SHC4: variants seen among roughly 807,000 people sequenced by gnomAD.
SHC4 encodes the protein SHC adaptor protein 4.
Under a neutral mutation model 69.4 loss-of-function variants are expected in SHC4, and 41 were observed. The ratio of observed to expected loss-of-function variants is 0.59; its 90% CI spans 0.46 to 0.77. SHC4 has a LOEUF of 0.77. Among genes scored for constraint, SHC4 ranks in the 30% least tolerant of loss-of-function variants. The pLI is 0.00. For synonymous variants in SHC4, 318 were observed against 299.3 expected (o/e 1.06, Z -0.64); for missense variants, 777 against 783.8 (o/e 0.99, Z 0.10).
chr15:48,838,090 T>G (rs1158115422), intron 10 of SHC4, among the ~76,000 whole-genome samples: 1 of 152,216 alleles, frequency 6.6e-6, no homozygotes, highest in Non-Finnish European at 1.5e-5. Context: ...TAAATCATGA[T>G]GCACTCATAC....
chr15:48,951,988 C>T (rs1467358230), intron 1 of SHC4, among the ~76,000 whole-genome samples: 1 of 152,106 alleles, frequency 6.6e-6, no homozygotes, highest in Non-Finnish European at 1.5e-5. Context: ...GAAATTTAGT[C>T]TTTGCGCTGC....
At chr15:48,831,422 T>C (rs1238011818) in intron 11 of SHC4, among the ~76,000 whole-genome samples, 1 of 152,226 alleles carries the variant, frequency 6.6e-6, no homozygotes, top group Non-Finnish European at 1.5e-5. Context: ...ATGTTCTACA[T>C]AGGTGTACCA....
At chr15:48,924,066 G>A (rs986868854) in intron 2 of SHC4, among the ~76,000 whole-genome samples, 1 of 151,996 alleles carries the variant, frequency 6.6e-6, no homozygotes, top group African/African-American at 2.4e-5. Flanking sequence ...TGAGCATTAG[G>A]GAGAGTTATT....
intron 4 of SHC4, among the ~76,000 whole-genome samples, chr15:48,881,611 C>T (rs538491770): frequency 1.4e-4 from 21 of 152,292 alleles, no homozygotes; most frequent in African/African-American, 4.6e-4. Flanking sequence ...GCCTGTTTTA[C>T]CTTAACTCTA....
At chr15:48,846,688 C>CT (rs1312744691) in intron 9 of SHC4, among the ~76,000 whole-genome samples, 1 of 152,200 alleles carries the variant, frequency 6.6e-6, no homozygotes, top group African/African-American at 2.4e-5. Context: ...ATTTGTGTAT[C>CT]TTCTGCATCT....
intron 2 of SHC4, 77 bp downstream of exon 2, chr15:48,924,801 GC>G: frequency 6.9e-7 from 1 of 1,459,664 alleles, no homozygotes; most frequent in Non-Finnish European, 9.6e-7. Flanking sequence ...TGGAAGGTTT[GC>G]ATAAAATTCC....
Position 48,942,951 on chromosome 15 carries a change from C to T in SHC4, c.586-18002G>A, listed in dbSNP as rs79493781. ...GATACCATGCTGGCTCTAAGCCAGC[C>T]ATTCCCATAATACCTAAAGAGGGTC... On this transcript the variant is annotated intron_variant, in intron 1 of 11. Coordinates refer to ENST00000332408, the MANE Select transcript of SHC4 (RefSeq NM_203349.4). 1.8e-4 allele frequency among the ~76,000 whole-genome samples: 28 copies of T among 152,320 alleles called. No individual in the cohort carries two copies. The East Asian group carries it at 5.2e-3, about 28-fold the overall frequency.
chr15:48,899,009 C>T (rs1182085511), intron 2 of SHC4, among the ~76,000 whole-genome samples: 1 of 139,120 alleles, frequency 7.2e-6, no homozygotes, highest in African/African-American at 2.7e-5. Flanking sequence ...TGCACTGATG[C>T]ATAATGTGGT....
chr15:48,962,530 C>G lies in SHC4; in HGVS notation c.486G>C (p.Ser162=), dbSNP rs1484519270. 7 of 1,593,954 alleles carry G rather than the reference C, an allele frequency of 4.4e-6. No individual in the cohort carries two copies. In the East Asian group the frequency reaches 1.3e-4, roughly 31 times the overall value. Residue 162 remains serine (S), a synonymous_variant, in exon 1 of 12, where the codon TCG becomes TCC. Transcript: ENST00000332408. Reference sequence around the variant, plus strand: ...GCTCCCCAGGGCCAGGAAGCGGGCACGAATCAGGGGTTAGGGCGGTTGCCC... The same window carrying G: ...GCTCCCCAGGGCCAGGAAGCGGGCAGGAATCAGGGGTTAGGGCGGTTGCCC... The part of the protein sequence containing the change: ...GHRATALTPD[S]CPLPGPGEPT...
At chr15:48,889,776 G>A (rs1200011350) in intron 3 of SHC4, among the ~76,000 whole-genome samples, 2 of 152,056 alleles carry the variant, frequency 1.3e-5, no homozygotes, top group South Asian at 2.1e-4. Flanking sequence ...TCCGGGAGGC[G>A]GAGCTTGCAG....
At chr15:48,870,764 T>G (rs1899658072) in intron 5 of SHC4, among the ~76,000 whole-genome samples, 1 of 152,158 alleles carries the variant, frequency 6.6e-6, no homozygotes, top group African/African-American at 2.4e-5. Context: ...ATTATTGAAG[T>G]GTTTTTAAGA....
At chr15:48,917,808 G>T (rs1345724751) in intron 2 of SHC4, among the ~76,000 whole-genome samples, 1 of 152,112 alleles carries the variant, frequency 6.6e-6, no homozygotes, top group African/African-American at 2.4e-5. Flanking sequence ...TACTTTCTGT[G>T]TTCTAAGTCT....
chr15:48,930,121 A>G (rs1469068778), intron 1 of SHC4, among the ~76,000 whole-genome samples: 2 of 152,244 alleles, frequency 1.3e-5, no homozygotes, highest in African/African-American at 4.8e-5. Flanking sequence ...AAAAAGATAC[A>G]TATTCTTATA....
chr15:48,940,639 G>A (rs1901158041), intron 1 of SHC4, among the ~76,000 whole-genome samples: 1 of 152,184 alleles, frequency 6.6e-6, no homozygotes, highest in Non-Finnish European at 1.5e-5. Flanking sequence ...GCATCAGTAT[G>A]ATGGTGGTTT....
chr15:48,903,255 G>A (rs567645491), intron 2 of SHC4, among the ~76,000 whole-genome samples: 3 of 152,186 alleles, frequency 2.0e-5, no homozygotes, highest in Non-Finnish European at 4.4e-5. Flanking sequence ...CTGCCTGGCA[G>A]GTAGAGAGAT....
At chr15:48,828,988 T>C (rs1055270406) in intron 11 of SHC4, among the ~76,000 whole-genome samples, 2 of 152,210 alleles carry the variant, frequency 1.3e-5, no homozygotes, top group Non-Finnish European at 2.9e-5. Flanking sequence ...AAGCTGATTG[T>C]TTTCTTTGCT....
At position 48,857,925 on chromosome 15, in the gene SHC4, C is replaced by T. The variant is rs183918294; in HGVS notation, c.947-110G>A. ...GAACTGATAATTGAATAAAAGGGAG[C>T]AGGATTACAAGCTCTCTGCAGCCAT... On this transcript the variant is annotated intron_variant, in intron 6 of 11. Transcript: ENST00000332408. 9.9e-6 allele frequency: 8 copies of T among 809,058 alleles called. No homozygotes were observed. The East Asian group carries it at 1.3e-4, about 13-fold the overall frequency. 50.1% of individuals were successfully genotyped at this position (809,058 alleles called of 1,614,324 possible).
chr15:48,898,375 G>A (rs1900261250), intron 2 of SHC4, among the ~76,000 whole-genome samples: 2 of 152,192 alleles, frequency 1.3e-5, no homozygotes, highest in Non-Finnish European at 2.9e-5. Flanking sequence ...CTCTAGGAGG[G>A]TGAACTCAGC....
At position 48,857,731 on chromosome 15, in the gene SHC4, T is replaced by G. The variant is rs770257926; in HGVS notation, c.1031A>C (p.Gln344Pro). The G allele has an allele frequency of 1.9e-6, 3 of 1,604,544 alleles. No homozygotes were observed. Among genetic ancestry groups the G allele is most frequent in the Non-Finnish European group, 2.6e-6 (3 of 1,174,542 alleles). ...ATTCAAAGAAGGATTTTTCAAGTAC[T>G]GTTTAAACCGGAGTTCAAAAGCCTG... Reference protein sequence around the residue: ...IGQAFELRFKQYLKNPSLNTS... With the variant: ...IGQAFELRFKPYLKNPSLNTS... The change falls in exon 7 of 12, where the codon CAG (glutamine) becomes CCG (proline). Residue 344 changes from glutamine to proline, a missense_variant. Gln to Pro is a moderately conservative substitution (Grantham distance 76, BLOSUM62 -1). Coordinates refer to ENST00000332408, the MANE Select transcript of SHC4 (RefSeq NM_203349.4).
Sources: gnomAD v4.1 joint callset for allele counts (sites outside exome capture counted in the v4.1 genomes callset) on GRCh38, gnomAD v4.1.1 for gene constraint, MANE v1.5 for transcripts, NCBI Gene and HGNC (gene_info 2026-07-23, HGNC 2026-07-21) for gene names.